Variants in ADGRB3 observed in about 807,000 individuals in gnomAD.
The protein encoded by ADGRB3 is adhesion G protein-coupled receptor B3, also known as brain-specific angiogenesis inhibitor 3.
In ADGRB3, 37 loss-of-function variants were observed where a neutral mutation model predicts 193.4. The observed-to-expected ratio is 0.19, with a 90% CI of 0.15 to 0.25. The LOEUF (loss-of-function observed/expected upper bound fraction) is 0.25, where lower values mean the gene tolerates loss of function less well. ADGRB3 is among the 10% of genes least tolerant of loss of function. The pLI is 1.00. For missense variants in ADGRB3, 1,637 were observed against 1,852.9 expected, an observed-to-expected ratio of 0.88 and a Z score of 2.14; for synonymous variants, 690 against 644.2, an observed-to-expected ratio of 1.07 and a Z score of -1.08.
At chr6:68,736,094 C>G (rs1765865605) in intron 3 of ADGRB3, among the ~76,000 whole-genome samples, 1 of 151,948 alleles carries the variant, frequency 6.6e-6, no homozygotes, top group Non-Finnish European at 1.5e-5. Flanking sequence ...TCACTGTAGC[C>G]TCAAGTTCCT....
At chr6:68,801,440 C>T (rs1320111412) in intron 3 of ADGRB3, among the ~76,000 whole-genome samples, 3 of 152,130 alleles carry the variant, frequency 2.0e-5, no homozygotes, top group Non-Finnish European at 4.4e-5. Flanking sequence ...GTAATCCCAG[C>T]ACTATGGGAG....
intron 17 of ADGRB3, among the ~76,000 whole-genome samples, chr6:69,147,680 G>T (rs748070608): frequency 6.6e-6 from 1 of 152,144 alleles, no homozygotes; most frequent in Non-Finnish European, 1.5e-5. Flanking sequence ...TTGAAGCTGA[G>T]TCTGGTGTTT....
At chr6:69,172,015 G>A (rs1200048664) in intron 17 of ADGRB3, among the ~76,000 whole-genome samples, 2 of 152,112 alleles carry the variant, frequency 1.3e-5, no homozygotes, top group Non-Finnish European at 2.9e-5. Context: ...GTACCTCAGC[G>A]CTGGTGCAAT....
rs368223120 is a variant in ADGRB3, at chr6:68,772,664, C to T, written c.757+133232C>T. On this transcript the variant is annotated intron_variant, in intron 3 of 31. Transcript: ENST00000370598. Reference sequence around the variant, plus strand: ...TCAAGCTAAAGTATCATAAACATCTCGACACAAATTACTAATATTAATTAC... The same window carrying T: ...TCAAGCTAAAGTATCATAAACATCTTGACACAAATTACTAATATTAATTAC... 6.7e-4 allele frequency among the ~76,000 whole-genome samples: 102 copies of T among 151,506 alleles called. 1 individual carries two copies. In the South Asian group the frequency reaches 0.016, roughly 23 times the overall value.
intron 20 of ADGRB3, among the ~76,000 whole-genome samples, chr6:69,310,027 T>G (rs1203782683): frequency 6.6e-6 from 1 of 151,726 alleles, no homozygotes; most frequent in East Asian, 1.9e-4. Flanking sequence ...TACACAACTT[T>G]TATGTTTGTG....
chr6:69,238,571 A>G (rs995328063), intron 19 of ADGRB3, among the ~76,000 whole-genome samples: 2 of 152,064 alleles, frequency 1.3e-5, no homozygotes, highest in Non-Finnish European at 2.9e-5. Flanking sequence ...GGAAAAATAT[A>G]AAGAGTAGCA....
rs550213392 is a variant in ADGRB3, at chr6:68,755,292, G to A, written c.757+115860G>A. Among the ~76,000 whole-genome samples the A allele has an allele frequency of 1.3e-3, 198 of 152,298 alleles. No homozygotes were observed. The Middle Eastern group carries it at 0.014, about 10-fold the overall frequency. On this transcript the variant is annotated intron_variant, in intron 3 of 31. Transcript: ENST00000370598. ...ACAGCAAATATGCTGACATCAATGAGGATGATAAGTGAAAGGACCCCTGTC... is the reference window on the plus strand; with the variant it reads ...ACAGCAAATATGCTGACATCAATGAAGATGATAAGTGAAAGGACCCCTGTC...
chr6:68,725,654 T>C (rs1384498122), intron 3 of ADGRB3, among the ~76,000 whole-genome samples: 1 of 151,592 alleles, frequency 6.6e-6, no homozygotes, highest in Non-Finnish European at 1.5e-5. Flanking sequence ...TTTAGTTGCC[T>C]GTACAATATT....
At chr6:69,311,099 A>T (rs981740662) in intron 20 of ADGRB3, among the ~76,000 whole-genome samples, 1 of 151,730 alleles carries the variant, frequency 6.6e-6, no homozygotes, top group African/African-American at 2.4e-5. Flanking sequence ...TTGCTTCAGA[A>T]TAAGGGATTT....
intron 17 of ADGRB3, among the ~76,000 whole-genome samples, chr6:69,076,333 G>T (rs144016527): frequency 6.6e-6 from 1 of 152,020 alleles, no homozygotes; most frequent in African/African-American, 2.4e-5. Context: ...ATAGAAGCTC[G>T]AATGCCATCT....
intron 3 of ADGRB3, among the ~76,000 whole-genome samples, chr6:68,915,807 AC>A (rs1433931007): frequency 1.3e-5 from 2 of 152,068 alleles, no homozygotes; most frequent in Non-Finnish European, 2.9e-5. Flanking sequence ...AAACACTGGC[AC>A]ATACCGCACA....
At chr6:68,911,059 G>T (rs1766691505) in intron 3 of ADGRB3, among the ~76,000 whole-genome samples, 1 of 151,980 alleles carries the variant, frequency 6.6e-6, no homozygotes, top group Admixed American at 6.6e-5. Context: ...TCTTCATGTG[G>T]CACATATACA....
rs1384226967 is a variant in ADGRB3, at chr6:68,936,657, G to A, written c.1007G>A (p.Cys336Tyr). ...GGCCCATTAAGAGAATCAAGGGTTT[G>A]CAATAACACTGCCCTCTGTCCAGGT... is the stretch of plus-strand genomic sequence containing the variant. ...CSGPLRESRV[C>Y]NNTALCPVHG... is the part of the protein sequence containing the mutation. Residue 336 changes from cysteine (C) to tyrosine (Y), a missense_variant, in exon 5 of 32, where the codon TGC becomes TAC. Around this residue, in one of 7 missense-constraint regions of ADGRB3, gnomAD observed 365 missense variants for 409.8 expected, o/e 0.89. Coordinates refer to ENST00000370598, the MANE Select transcript of ADGRB3 (RefSeq NM_001704.3). 1 of 1,613,296 alleles carries A rather than the reference G, an allele frequency of 6.2e-7. No individual in the cohort carries two copies.
At chr6:68,690,299 T>G (rs971758753) in intron 3 of ADGRB3, among the ~76,000 whole-genome samples, 5 of 152,116 alleles carry the variant, frequency 3.3e-5, no homozygotes, top group African/African-American at 9.7e-5. Context: ...CTAAAAAGAC[T>G]TGGAAATATT....
At position 69,037,595 on chromosome 6, in the gene ADGRB3, C is replaced by T. The variant is rs1395009294; in HGVS notation, c.2108-10590C>T. ...TAAAGCCTTTGACTTCTTATAAAAC[C>T]ATCCTCTCATTATTAAACTATCCCT... On this transcript the variant is annotated intron_variant, in intron 13 of 31. Transcript: ENST00000370598. Among the ~76,000 whole-genome samples the T allele has an allele frequency of 2.6e-5, 4 of 151,902 alleles. No homozygotes were observed. In the East Asian group the frequency reaches 7.7e-4, roughly 29 times the overall value.
At chr6:69,045,646 A>G (rs1771213926) in intron 13 of ADGRB3, among the ~76,000 whole-genome samples, 1 of 152,132 alleles carries the variant, frequency 6.6e-6, no homozygotes, top group Admixed American at 6.5e-5. Flanking sequence ...TTGATTTTCT[A>G]ATTAAAAATA....
intron 6 of ADGRB3, among the ~76,000 whole-genome samples, chr6:68,952,289 A>G (rs1035019713): frequency 2.4e-4 from 36 of 152,100 alleles, no homozygotes; most frequent in African/African-American, 5.3e-4. Flanking sequence ...AAATAAAACA[A>G]TGTCTCATAT....
chr6:68,894,312 G>A (rs1180272228), intron 3 of ADGRB3, among the ~76,000 whole-genome samples: 1 of 151,850 alleles, frequency 6.6e-6, no homozygotes, highest in Non-Finnish European at 1.5e-5. Flanking sequence ...TGATAAGATG[G>A]ATATAAAATA....
intron 6 of ADGRB3, among the ~76,000 whole-genome samples, chr6:68,948,923 C>T (rs1309498128): frequency 1.3e-5 from 2 of 152,024 alleles, no homozygotes; most frequent in Admixed American, 6.6e-5. Flanking sequence ...AGTTCAGTCA[C>T]AATCCTTAAT....
Sources: allele counts gnomAD v4.1 joint callset (sites outside exome capture counted in the v4.1 genomes callset), GRCh38; gene constraint gnomAD v4.1.1; regional missense constraint gnomAD v4.1.1; transcripts MANE v1.5; gene names NCBI Gene and HGNC (gene_info 2026-07-23, HGNC 2026-07-21).